PDK2: variants seen among roughly 807,000 people sequenced by gnomAD.
PDK2 encodes the protein pyruvate dehydrogenase kinase, isozyme 2.
In PDK2, 34 loss-of-function variants were observed where a neutral mutation model predicts 50.4. The ratio of observed to expected loss-of-function variants is 0.68; its 90% CI spans 0.51 to 0.90. The LOEUF (loss-of-function observed/expected upper bound fraction) is 0.90. Ranked by LOEUF, PDK2 falls within the 40% of genes least tolerant of loss-of-function variation. PDK2 has a pLI of 0.00. For synonymous variants in PDK2, 232 were observed against 216.0 expected, an observed-to-expected ratio of 1.07 and a Z score of -0.65; for missense variants, 377 against 544.5, an observed-to-expected ratio of 0.69 and a Z score of 3.06.
chr17:50,097,627 A>ACAC, intron 2 of PDK2, 63 bp downstream of exon 2: 1 of 1,585,774 alleles, frequency 6.3e-7, no homozygotes, highest in Non-Finnish European at 8.6e-7. Context: ...GGGCTCAGGG[A>ACAC]TGGCATCTCC....
Position 50,095,397 on chromosome 17 carries a change from C to A in PDK2, c.-39C>A, listed in dbSNP as rs751451177. ...GGCCGAAAGGTGCGCGAGCGCTGCC[C>A]GCGCGGGGACCACAACCAAAGTCGC... On this transcript the variant is annotated 5_prime_UTR_variant, in exon 1 of 11. Coordinates refer to ENST00000503176, the MANE Select transcript of PDK2 (RefSeq NM_002611.5). The A allele has an allele frequency of 4.8e-6, 7 of 1,469,496 alleles. No homozygotes were observed. The highest frequency in any genetic ancestry group is 4.7e-5 in the South Asian group (4 of 85,414). 91.0% of individuals were successfully genotyped at this position (1,469,496 alleles called of 1,614,324 possible).
At position 50,101,344 on chromosome 17, in the gene PDK2, G is replaced by A. The variant is rs1192099330; in HGVS notation, c.260+3780G>A. 6.6e-6 allele frequency among the ~76,000 whole-genome samples: 1 copy of A among 152,112 alleles called. No homozygotes were observed. Among genetic ancestry groups the A allele is most frequent in the Non-Finnish European group, 1.5e-5 (1 of 68,014 alleles). ...GGCATCATCTTTTCTGTACACCCAG[G>A]CCCATGAGGTGCTTACTCCCATGAA... On this transcript the variant is annotated intron_variant, in intron 2 of 10. Coordinates refer to ENST00000503176, the MANE Select transcript of PDK2 (RefSeq NM_002611.5). This position sits in a 1 kb window ranked among gnomAD's most constrained non-coding sequence, Gnocchi z 4.2.
intron 1 of PDK2, 173 bp downstream of exon 1, chr17:50,095,726 T>C (rs1909900367): frequency 7.0e-7 from 1 of 1,424,726 alleles, no homozygotes; most frequent in Non-Finnish European, 9.2e-7. Flanking sequence ...CCGGGGCCTC[T>C]CGACGGGGCT....
At chr17:50,102,348 C>G (rs1164227226) in intron 2 of PDK2, among the ~76,000 whole-genome samples, 2 of 152,220 alleles carry the variant, frequency 1.3e-5, no homozygotes, top group Non-Finnish European at 2.9e-5. Context: ...TGACCAGGCC[C>G]CATTCCTGCC....
At position 50,097,407 on chromosome 17, in the gene PDK2, C is replaced by G; in HGVS notation, c.119-16C>G. Reference sequence around the variant, plus strand: ...TAGTCTGTGGCTCTGTGGCTCACCCCTCTTTCTCCTGCCAGGATCCAGCAA... The same window carrying G: ...TAGTCTGTGGCTCTGTGGCTCACCCGTCTTTCTCCTGCCAGGATCCAGCAA... On this transcript the variant is annotated splice_polypyrimidine_tract_variant and intron_variant, in intron 1 of 10. Transcript: ENST00000503176. 11 of 1,612,902 alleles carry G rather than the reference C, an allele frequency of 6.8e-6. No individual in the cohort carries two copies. Among genetic ancestry groups the G allele is most frequent in the South Asian group, 1.1e-5 (1 of 91,028 alleles).
intron 2 of PDK2, among the ~76,000 whole-genome samples, chr17:50,098,090 T>G (rs905030598): frequency 6.6e-6 from 1 of 152,194 alleles, no homozygotes; most frequent in African/African-American, 2.4e-5. Context: ...ACCAAACGTT[T>G]ATTGCGCACT....
rs1598215853 is a variant in PDK2 at position 50,108,687 on chromosome 17, A to T, written c.937A>T (p.Thr313Ser). Residue 313 changes from threonine to serine, a missense_variant, in exon 9 of 11, where the codon ACC (threonine) becomes TCC (serine). This residue lies in a region of PDK2 where 214 missense variants were observed against 294.0 expected (regional missense o/e 0.73). Transcript: ENST00000503176. ...LFSYMYSTAP[T>S]PQPGTGGTPL... Reference sequence around the variant, plus strand: ...CAGCTACATGTACTCCACAGCACCCACCCCCCAGCCTGGCACCGGGGGAAC... The same window carrying T: ...CAGCTACATGTACTCCACAGCACCCTCCCCCCAGCCTGGCACCGGGGGAAC... 1 of 1,611,814 alleles carries T rather than the reference A, an allele frequency of 6.2e-7. No homozygotes were observed. The highest frequency in any genetic ancestry group is 2.2e-5 in the East Asian group (1 of 44,738).
At chr17:50,095,677 G>A (rs1292669116) in intron 1 of PDK2, 124 bp downstream of exon 1, 2 of 1,467,500 alleles carry the variant, frequency 1.4e-6, no homozygotes, top group African/African-American at 1.4e-5. Flanking sequence ...GTTTGGAAAG[G>A]TACAGGCAGG....
chr17:50,109,174 A>G lies in PDK2; in HGVS notation c.970-113A>G, dbSNP rs1910686127. 3.2e-6 allele frequency: 2 copies of G among 627,130 alleles called. No individual in the cohort carries two copies. The highest frequency in any genetic ancestry group is 5.7e-5 in the Admixed American group (2 of 35,338). 38.8% of individuals were successfully genotyped at this position (627,130 alleles called of 1,614,324 possible). On this transcript the variant is annotated intron_variant, in intron 9 of 10. Transcript: ENST00000503176. The surrounding 1 kb of genome is among the most constrained non-coding windows in gnomAD (Gnocchi z 5.0). The stretch of plus-strand genomic sequence containing the variant: ...CCACATGTCCCCTCCCAGCTCTGGG[A>G]CCCCTGCCATGTGACCCCAGCTCCA...
At chr17:50,095,239 G>A (rs1440019193), upstream of PDK2, 3 of 520,390 alleles carry the variant, frequency 5.8e-6, no homozygotes, top group Admixed American at 3.6e-5. Flanking sequence ...CGGGGCGGAA[G>A]GCTATTGGTT....
In PDK2 at chr17:50,108,616, G is replaced by A; in HGVS notation, c.866G>A (p.Ser289Asn). 7 of 1,610,282 alleles carry A rather than the reference G, an allele frequency of 4.3e-6. No homozygotes were observed. The highest frequency in any genetic ancestry group is 5.9e-6 in the Non-Finnish European group (7 of 1,177,858). ...GACACATCCCATCTCTCCCAGATGAGTGACCGAGGTGGGGGTGTTCCCTTG... is the reference window on the plus strand; with the variant it reads ...GACACATCCCATCTCTCCCAGATGAATGACCGAGGTGGGGGTGTTCCCTTG... Reference protein sequence around the residue: ...LGEEDLSIKMSDRGGGVPLRK... With the variant: ...LGEEDLSIKMNDRGGGVPLRK... The change falls in exon 9 of 11, where the codon AGT becomes AAT. Residue 289 changes from serine (S) to asparagine (N), a missense_variant. Around this residue, in one of 3 missense-constraint regions of PDK2, gnomAD observed 214 missense variants for 294.0 expected, o/e 0.73. Coordinates refer to ENST00000503176, the MANE Select transcript of PDK2 (RefSeq NM_002611.5).
chr17:50,097,592 C>T (rs371404141), intron 2 of PDK2, 28 bp downstream of exon 2: 36 of 1,607,722 alleles, frequency 2.2e-5, no homozygotes, highest in African/African-American at 1.3e-4. Flanking sequence ...GTCCCTGCAC[C>T]TCCCACTCCA....
Position 50,111,386 on chromosome 17 carries a change from CA to C in PDK2, c.*1290del, listed in dbSNP as rs1567716056. On this transcript the variant is annotated 3_prime_UTR_variant, in exon 11 of 11. Transcript: ENST00000503176. ...TCCCCTTCACATGCAGGTGGGCACCCACTATAGCTACTGATGGCTTTAAGGA... is the reference window on the plus strand; with the variant it reads ...TCCCCTTCACATGCAGGTGGGCACCCCTATAGCTACTGATGGCTTTAAGGA... 1.3e-5 allele frequency: 2 copies of C among 152,276 alleles called. No homozygotes were observed. 9.4% of individuals were successfully genotyped at this position (152,276 alleles called of 1,614,324 possible).
intron 6 of PDK2, 65 bp downstream of exon 6, chr17:50,107,218 C>T (rs539632530): frequency 2.3e-4 from 283 of 1,253,388 alleles, no homozygotes; most frequent in Non-Finnish European, 2.9e-4. Flanking sequence ...CAAGGTGAGA[C>T]GGGGAGTCAG....
intron 2 of PDK2, among the ~76,000 whole-genome samples, chr17:50,102,468 A>C (rs139967063): frequency 6.6e-6 from 1 of 151,172 alleles, no homozygotes; most frequent in African/African-American, 2.4e-5. Flanking sequence ...TGCCCAGCAC[A>C]GTCAGGAAGT....
rs1356540894 is a variant in PDK2 at position 50,101,313 on chromosome 17, A to T, written c.260+3749A>T. Reference sequence around the variant, plus strand: ...AGGACCGACCACTTACTGCGCATGTACTCGAGGCATCATCTTTTCTGTACA... The same window carrying T: ...AGGACCGACCACTTACTGCGCATGTTCTCGAGGCATCATCTTTTCTGTACA... On this transcript the variant is annotated intron_variant, in intron 2 of 10. Coordinates refer to ENST00000503176, the MANE Select transcript of PDK2 (RefSeq NM_002611.5). The surrounding 1 kb of genome is among the most constrained non-coding windows in gnomAD (Gnocchi z 4.2). Among the ~76,000 whole-genome samples the T allele has an allele frequency of 2.0e-5, 3 of 151,860 alleles. No individual in the cohort carries two copies. The highest frequency in any genetic ancestry group is 4.4e-5 in the Non-Finnish European group (3 of 67,954).
rs754798503 is a variant in PDK2, at chr17:50,108,705, G to A, written c.955G>A (p.Gly319Arg). Residue 319 changes from glycine (G) to arginine (R), a missense_variant, in exon 9 of 11, where the codon GGG becomes AGG. Physicochemically the swap from Gly to Arg is moderately radical, Grantham distance 125. Coordinates refer to ENST00000503176, the MANE Select transcript of PDK2 (RefSeq NM_002611.5). ...AGCACCCACCCCCCAGCCTGGCACC[G>A]GGGGAACGCCGCTGGTGAGATGGCT... Reference protein sequence around the residue: ...STAPTPQPGTGGTPLAGFGYG... With the variant: ...STAPTPQPGTRGTPLAGFGYG... The A allele has an allele frequency of 3.3e-5, 53 of 1,609,758 alleles. No individual in the cohort carries two copies. Among genetic ancestry groups the A allele is most frequent in the Admixed American group, 1.7e-4 (10 of 59,730 alleles).
rs1331029149 is a variant in PDK2, at chr17:50,108,226, C to A, written c.756C>A (p.Leu252=). ...ACCTCTACCACATGCTCTTTGAGCT[C>A]TTCAAGGTGAGGAGGCTGGGAGCCG... The part of the protein sequence containing the change: ...PSHLYHMLFE[L]FKNAMRATVE... Residue 252 remains leucine (L), a synonymous_variant, in exon 7 of 11, where the codon CTC becomes CTA. Transcript: ENST00000503176. 4.4e-6 allele frequency: 7 copies of A among 1,598,946 alleles called. No individual in the cohort carries two copies. The highest frequency in any genetic ancestry group is 6.0e-6 in the Non-Finnish European group (7 of 1,171,524).
chr17:50,107,917 C>G (rs1384451958), intron 6 of PDK2: 11 of 552,440 alleles, frequency 2.0e-5, no homozygotes, highest in Non-Finnish European at 3.3e-5. Flanking sequence ...CTCCCCACCC[C>G]TGATTCAGTT....
Sources: gnomAD v4.1 joint callset for allele counts (sites outside exome capture counted in the v4.1 genomes callset) on GRCh38, gnomAD v4.1.1 for gene constraint, gnomAD v4.1.1 regional missense constraint, Gnocchi (gnomAD v3.1) non-coding constraint, MANE v1.5 for transcripts, NCBI Gene and HGNC (gene_info 2026-07-23, HGNC 2026-07-21) for gene names.